The following LECT2 variants were observed in gnomAD, a reference collection of about 807,000 sequenced individuals.
LECT2 encodes leukocyte cell-derived chemotaxin-2.
Under a neutral mutation model 16.6 loss-of-function variants are expected in LECT2, and 11 were observed. The observed-to-expected ratio is 0.66, with a 90% confidence interval of 0.42 to 1.09. The LOEUF is 1.09. Ranked by LOEUF, LECT2 falls within the 50% of genes least tolerant of loss-of-function variation. The pLI is 0.00. For synonymous variants in LECT2, 54 were observed against 64.8 expected (o/e 0.83, Z 0.80); for missense variants, 173 against 184.2 (o/e 0.94, Z 0.35).
At chr5:135,951,157 T>G (rs750534069) in intron 3 of LECT2, 66 bp downstream of exon 3, 1 of 1,441,724 alleles carries the variant, frequency 6.9e-7, no homozygotes, top group East Asian at 2.3e-5. Flanking sequence ...GTATGGAACC[T>G]GCATTAAATA....
chr5:135,949,314 A>G (rs1258497516), intron 3 of LECT2, among the ~76,000 whole-genome samples: 1 of 152,260 alleles, frequency 6.6e-6, no homozygotes, highest in Non-Finnish European at 1.5e-5. Flanking sequence ...AAATGCAAAT[A>G]ACCAAGAATT....
intron 2 of LECT2, chr5:135,951,638 T>C (rs1306886852): frequency 5.8e-6 from 2 of 345,562 alleles, no homozygotes; most frequent in Admixed American, 4.5e-5. Flanking sequence ...CTACTATTAT[T>C]TTATGGCATG....
At chr5:135,954,418 C>T (rs1763833074) in intron 1 of LECT2, among the ~76,000 whole-genome samples, 1 of 152,126 alleles carries the variant, frequency 6.6e-6, no homozygotes, top group Non-Finnish European at 1.5e-5. Context: ...TGTCTTAATC[C>T]ATACCAGTCT....
intron 3 of LECT2, among the ~76,000 whole-genome samples, chr5:135,949,993 A>G (rs961226104): frequency 6.6e-6 from 1 of 152,200 alleles, no homozygotes; most frequent in African/African-American, 2.4e-5. Flanking sequence ...ACACAGTTCA[A>G]TGGCAGAAGT....
At chr5:135,949,742 G>A (rs1258145957) in intron 3 of LECT2, among the ~76,000 whole-genome samples, 1 of 152,212 alleles carries the variant, frequency 6.6e-6, no homozygotes, top group Non-Finnish European at 1.5e-5. Context: ...TTCAAGCCTG[G>A]GAATTTATTG....
chr5:135,951,536 C>A (rs1763797388), intron 2 of LECT2, 168 bp from the exon 3 acceptor site: 4 of 542,078 alleles, frequency 7.4e-6, no homozygotes, highest in Non-Finnish European at 1.3e-5. Flanking sequence ...CCAATTTTAA[C>A]CTCCCTCCCC....
Position 135,954,959 on chromosome 5 carries a change from T to C in LECT2, c.-126A>G, listed in dbSNP as rs1763840867. On this transcript the variant is annotated 5_prime_UTR_variant, in exon 1 of 4. Transcript: ENST00000274507. ...CTTAGAATTCTGCATCTCTCATTTCTTTAGTGTGAGACACAAAAAGTTTAA... is the reference window on the plus strand; with the variant it reads ...CTTAGAATTCTGCATCTCTCATTTCCTTAGTGTGAGACACAAAAAGTTTAA... 1.4e-6 allele frequency: 1 copy of C among 704,496 alleles called. No homozygotes were observed. The highest frequency in any genetic ancestry group is 2.5e-6 in the Non-Finnish European group (1 of 407,376). 43.6% of individuals were successfully genotyped at this position (704,496 alleles called of 1,614,324 possible).
At chr5:135,954,654 T>C in intron 1 of LECT2, 134 bp downstream of exon 1, 1 of 657,008 alleles carries the variant, frequency 1.5e-6, no homozygotes, top group Non-Finnish European at 2.8e-6. Context: ...GTCATTCCTA[T>C]TTCATTTTTA....
intron 2 of LECT2, among the ~76,000 whole-genome samples, chr5:135,952,315 G>A (rs1443641494): frequency 6.6e-6 from 1 of 152,228 alleles, no homozygotes; most frequent in Non-Finnish European, 1.5e-5. Flanking sequence ...CCAAGGTGAT[G>A]TTGGGTATAA....
At chr5:135,951,146 C>T (rs764392986) in intron 3 of LECT2, 77 bp downstream of exon 3, 29 of 1,354,240 alleles carry the variant, frequency 2.1e-5, no homozygotes, top group African/African-American at 1.0e-4. Flanking sequence ...AAAATCTCTA[C>T]GTATGGAACC....
chr5:135,947,234 T>C lies in LECT2; in HGVS notation c.*97A>G. On this transcript the variant is annotated 3_prime_UTR_variant, in exon 4 of 4. Coordinates refer to ENST00000274507, the MANE Select transcript of LECT2 (RefSeq NM_002302.3). ...ATGGGGTATCCATCCCTTCATGCAT[T>C]TTTCCTTTGTGAACACAAATTTCTT... is the stretch of plus-strand genomic sequence containing the variant. 1.7e-6 allele frequency: 2 copies of C among 1,167,830 alleles called. No homozygotes were observed. The highest frequency in any genetic ancestry group is 4.0e-5 in the Admixed American group (2 of 49,400). 72.3% of individuals were successfully genotyped at this position (1,167,830 alleles called of 1,614,324 possible). A position where few individuals can be genotyped will look rare whatever the true frequency, so the allele number is the denominator to read the frequency against.
At chr5:135,951,819 T>G (rs1306932750) in intron 2 of LECT2, among the ~76,000 whole-genome samples, 3 of 152,206 alleles carry the variant, frequency 2.0e-5, no homozygotes, top group African/African-American at 7.2e-5. Flanking sequence ...ATTGTAAACG[T>G]CACTTACTGT....
chr5:135,948,791 C>G (rs974971440), intron 3 of LECT2, among the ~76,000 whole-genome samples: 1 of 151,842 alleles, frequency 6.6e-6, no homozygotes, highest in African/African-American at 2.4e-5. Context: ...TCTCCTGCCT[C>G]AGCCTCCTGA....
At chr5:135,953,079 C>A (rs868719966) in intron 1 of LECT2, 112 bp from the exon 2 acceptor site, 19 of 679,392 alleles carry the variant, frequency 2.8e-5, no homozygotes, top group South Asian at 7.5e-5. Context: ...CTGTAGTTTT[C>A]CCTGGACTTT....
Position 135,952,928 on chromosome 5 carries a change from G to A in LECT2, c.86C>T (p.Ser29Phe). Residue 29 changes from serine (S) to phenylalanine (F), a missense_variant, in exon 2 of 4, where the codon TCT becomes TTT. By Grantham distance (155) the Ser-to-Phe change is radical. Coordinates refer to ENST00000274507, the MANE Select transcript of LECT2 (RefSeq NM_002302.3). ...GPWANICAGKSSNEIRTCDRH... is the reference protein window; with the variant it reads ...GPWANICAGKFSNEIRTCDRH... ...GTCACACGTCCGGATCTCATTGGAA[G>A]ACTTGCCAGCACATATATTAGCCCA... The A allele has an allele frequency of 6.2e-7, 1 of 1,614,154 alleles. No homozygotes were observed. The highest frequency in any genetic ancestry group is 8.5e-7 in the Non-Finnish European group (1 of 1,179,982).
intron 1 of LECT2, among the ~76,000 whole-genome samples, chr5:135,953,366 T>A (rs930029384): frequency 6.6e-6 from 1 of 152,056 alleles, no homozygotes; most frequent in Non-Finnish European, 1.5e-5. Flanking sequence ...CACACCCAGC[T>A]AATTTTTGTA....
intron 1 of LECT2, 76 bp from the exon 2 acceptor site, chr5:135,953,043 A>G: frequency 3.3e-6 from 3 of 910,080 alleles, no homozygotes. Context: ...TCAGTCACAC[A>G]GTTGATCCTG....
intron 3 of LECT2, among the ~76,000 whole-genome samples, chr5:135,949,104 C>T (rs180954176): frequency 2.0e-5 from 3 of 152,314 alleles, no homozygotes; most frequent in Admixed American, 1.3e-4. Context: ...GACCTCTACA[C>T]TGAAAACTAC....
intron 3 of LECT2, among the ~76,000 whole-genome samples, chr5:135,948,687 T>G (rs1763739732): frequency 6.7e-6 from 1 of 150,314 alleles, no homozygotes; most frequent in Non-Finnish European, 1.5e-5. Context: ...TTATTATTAT[T>G]TTTTTGAGAC....
Sources: gnomAD v4.1 joint callset for allele counts (sites outside exome capture counted in the v4.1 genomes callset) on GRCh38, gnomAD v4.1.1 for gene constraint, MANE v1.5 for transcripts, NCBI Gene and HGNC (gene_info 2026-07-23, HGNC 2026-07-21) for gene names.